SPMIP2: variants seen among roughly 807,000 people sequenced by gnomAD.
The protein encoded by SPMIP2 is protein SPMIP2.
At chr4:158,999,208 A>T in the SPMIP2 span, among the ~76,000 whole-genome samples, 1 of 151,696 alleles carries the variant, frequency 6.6e-6, no homozygotes, top group Admixed American at 6.6e-5. Flanking sequence ...AAAAAAACCC[A>T]TTGACTTAAT....
At chr4:158,960,301 C>T in the SPMIP2 span, 2 of 1,557,826 alleles carry the variant, frequency 1.3e-6, no homozygotes, top group Admixed American at 3.5e-5. Context: ...GTTTTGATAT[C>T]TGTGGGTTAT....
the SPMIP2 span, chr4:158,915,461 T>C: frequency 1.9e-6 from 2 of 1,067,448 alleles, no homozygotes; most frequent in Non-Finnish European, 2.7e-6. Flanking sequence ...TAATTTAAGG[T>C]GATTCTAGCC....
At chr4:158,924,385 T>A in the SPMIP2 span, among the ~76,000 whole-genome samples, 1 of 152,184 alleles carries the variant, frequency 6.6e-6, no homozygotes, top group African/African-American at 2.4e-5. Flanking sequence ...TTTTGTTTGT[T>A]TTTTGTTTTT....
the SPMIP2 span, among the ~76,000 whole-genome samples, chr4:159,062,697 G>GTCTCTCTCTT: frequency 6.3e-5 from 6 of 95,112 alleles, no homozygotes; most frequent in African/African-American, 2.2e-4. Context: ...TTGAAACAGG[G>GTCTCTCTCTT]TCTCTCTCTC....
At chr4:159,045,552 A>G in the SPMIP2 span, among the ~76,000 whole-genome samples, 1 of 152,348 alleles carries the variant, frequency 6.6e-6, no homozygotes, top group Non-Finnish European at 1.5e-5. Flanking sequence ...AAACTTCTGC[A>G]CAAAAGAAGT....
At chr4:158,973,504 T>C in the SPMIP2 span, among the ~76,000 whole-genome samples, 2 of 152,198 alleles carry the variant, frequency 1.3e-5, no homozygotes, top group African/African-American at 4.8e-5. Flanking sequence ...TTAATGCTTA[T>C]CTGTTAATTA....
the SPMIP2 span, chr4:158,907,161 G>C: frequency 6.6e-6 from 1 of 152,138 alleles, no homozygotes; most frequent in East Asian, 1.9e-4. Context: ...TTAATAAATT[G>C]GTAAGTGAAA....
At chr4:158,893,767 T>G in the SPMIP2 span, 1 of 1,306,990 alleles carries the variant, frequency 7.7e-7, no homozygotes, top group Non-Finnish European at 1.1e-6. Flanking sequence ...TTCATAAGTA[T>G]TTGCCAAACT....
At chr4:159,058,106 G>A in the SPMIP2 span, among the ~76,000 whole-genome samples, 2 of 151,594 alleles carry the variant, frequency 1.3e-5, no homozygotes, top group African/African-American at 4.8e-5. Context: ...GTGATCCACC[G>A]TGTAGATCTC....
At chr4:158,975,967 T>G in the SPMIP2 span, among the ~76,000 whole-genome samples, 1 of 152,198 alleles carries the variant, frequency 6.6e-6, no homozygotes, top group Non-Finnish European at 1.5e-5. Flanking sequence ...TGTCCTCTCT[T>G]ATTTCCTCGA....
chr4:158,952,818 C>G, the SPMIP2 span, among the ~76,000 whole-genome samples: 3 of 152,280 alleles, frequency 2.0e-5, no homozygotes, highest in Admixed American at 1.3e-4. Context: ...GCAAAGATGA[C>G]TCTTGTTAGG....
chr4:158,924,898 G>C, the SPMIP2 span, among the ~76,000 whole-genome samples: 1 of 152,160 alleles, frequency 6.6e-6, no homozygotes, highest in African/African-American at 2.4e-5. Context: ...GCATTCCTGG[G>C]ATAGATTCCA....
the SPMIP2 span, among the ~76,000 whole-genome samples, chr4:158,901,155 CAG>C: frequency 2.8e-5 from 3 of 107,032 alleles, no homozygotes; most frequent in Non-Finnish European, 5.5e-5. Context: ...TTTTTTGAGA[CAG>C]AGTCTTGCTC....
At chr4:158,988,601 A>G in the SPMIP2 span, among the ~76,000 whole-genome samples, 1 of 152,322 alleles carries the variant, frequency 6.6e-6, no homozygotes, top group South Asian at 2.1e-4. Context: ...AATCAATAAA[A>G]GTAATCCATC....
the SPMIP2 span, among the ~76,000 whole-genome samples, chr4:158,923,452 T>C: frequency 6.6e-6 from 1 of 152,224 alleles, no homozygotes; most frequent in African/African-American, 2.4e-5. Flanking sequence ...TTTGTGCTTG[T>C]TAAATTTACT....
the SPMIP2 span, among the ~76,000 whole-genome samples, chr4:158,913,858 A>C: frequency 6.6e-6 from 1 of 152,010 alleles, no homozygotes; most frequent in Non-Finnish European, 1.5e-5. Flanking sequence ...AAAAAAAAAA[A>C]AAAGACAAGA....
the SPMIP2 span, among the ~76,000 whole-genome samples, chr4:159,016,379 C>G: frequency 2.6e-5 from 4 of 152,286 alleles, no homozygotes; most frequent in African/African-American, 9.6e-5. Context: ...CTCCCTTTAG[C>G]CCACTTATTA....
chr4:159,050,718 C>T, the SPMIP2 span, among the ~76,000 whole-genome samples: 3 of 151,634 alleles, frequency 2.0e-5, no homozygotes, highest in Non-Finnish European at 4.4e-5. Flanking sequence ...ATCACTTGAA[C>T]CCAGGAGTTC....
At chr4:158,943,955 A>T in the SPMIP2 span, among the ~76,000 whole-genome samples, 1 of 141,464 alleles carries the variant, frequency 7.1e-6, no homozygotes, top group Non-Finnish European at 1.5e-5. Flanking sequence ...TCCTGGGTTC[A>T]AGTGATTGTT....
Sources: allele counts gnomAD v4.1 joint callset (sites outside exome capture counted in the v4.1 genomes callset), GRCh38; gene constraint gnomAD v4.1.1; transcripts MANE v1.5; gene names NCBI Gene and HGNC (gene_info 2026-07-23, HGNC 2026-07-21).